Variants in AP3M2 observed in about 807,000 individuals in gnomAD.
The protein encoded by AP3M2 is AP-3 complex subunit mu-2.
Under a neutral mutation model 41.6 loss-of-function variants are expected in AP3M2, and 28 were observed. The ratio of observed to expected loss-of-function variants is 0.67; its 90% CI spans 0.50 to 0.92. The LOEUF is 0.92. Among genes scored for constraint, AP3M2 ranks in the 40% least tolerant of loss-of-function variants. The pLI is 0.00. For missense variants in AP3M2, 427 were observed against 521.4 expected (o/e 0.82, Z 1.76); for synonymous variants, 193 against 186.4 (o/e 1.04, Z -0.29).
At position 42,154,598 on chromosome 8, in the gene AP3M2, C is replaced by G. The variant is rs1178368265; in HGVS notation, c.-72-18C>G. ...CTTTTGGTTGAATGGAACTGAATAT[C>G]GCTGCTTTTGTTTTTAGAGTTGAAA... On this transcript the variant is annotated intron_variant, in intron 1 of 8. Coordinates refer to ENST00000396926, the MANE Select transcript of AP3M2 (RefSeq NM_006803.4). The G allele has an allele frequency of 6.5e-7, 1 of 1,530,596 alleles. No individual in the cohort carries two copies. Among genetic ancestry groups the G allele is most frequent in the African/African-American group, 1.4e-5 (1 of 72,440 alleles). 94.8% of individuals were successfully genotyped at this position (1,530,596 alleles called of 1,614,324 possible). A position where few individuals can be genotyped will look rare whatever the true frequency, so the allele number is the denominator to read the frequency against.
At chr8:42,165,270 G>T in intron 5 of AP3M2, 114 bp downstream of exon 5, 1 of 1,435,154 alleles carries the variant, frequency 7.0e-7, no homozygotes, top group East Asian at 2.3e-5. Flanking sequence ...CAGCCACGAA[G>T]CTTGTCTCAG....
chr8:42,156,398 G>A (rs980002499), intron 2 of AP3M2, among the ~76,000 whole-genome samples: 2 of 152,086 alleles, frequency 1.3e-5, no homozygotes, highest in African/African-American at 2.4e-5. Context: ...CATCCTCTCC[G>A]GCAGCATGAT....
chr8:42,156,077 AC>A, intron 2 of AP3M2: 2 of 452,088 alleles, frequency 4.4e-6, no homozygotes, highest in Non-Finnish European at 8.9e-6. Flanking sequence ...AACTAGAAGA[AC>A]CCAGGAGTTG....
rs1804402707 is a variant in AP3M2, at chr8:42,157,991, G to A, written c.324G>A (p.Val108=). ...SEPVIKDNVV[V]VYEVLEEMLD... is the part of the protein sequence containing the mutation. ...CAGTGATCAAAGACAATGTAGTTGT[G>A]GTTTATGAGGTATTGGAAGAGATGC... The change falls in exon 3 of 9, where the codon GTG becomes GTA. Residue 108 remains valine (V), a synonymous_variant. Transcript: ENST00000396926. 6.2e-7 allele frequency: 1 copy of A among 1,614,064 alleles called. No homozygotes were observed.
chr8:42,155,807 CTGGAATTG>C, intron 2 of AP3M2: 1 of 328,318 alleles, frequency 3.0e-6, no homozygotes, highest in Non-Finnish European at 6.0e-6. Flanking sequence ...CATATGAACA[CTGGAATTG>C]TGGAATTGGA....
At position 42,167,103 on chromosome 8, in the gene AP3M2, A is replaced by C. The variant is rs959279480; in HGVS notation, c.804-61A>C. 28 of 1,474,212 alleles carry C rather than the reference A, an allele frequency of 1.9e-5. No homozygotes were observed. In the Admixed American group the frequency reaches 4.7e-4, roughly 25 times the overall value. The allele number at this position is 1,474,212 out of a possible 1,614,324, so 91.3% of individuals were successfully genotyped here. A position where few individuals can be genotyped will look rare whatever the true frequency, so the allele number is the denominator to read the frequency against. On this transcript the variant is annotated intron_variant, in intron 6 of 8. Transcript: ENST00000396926. ...ACAGGGCAGAAAAAGCATCATGTGAAAGGAAGAACTACCATTTTCCCAGTG... is the reference window on the plus strand; with the variant it reads ...ACAGGGCAGAAAAAGCATCATGTGACAGGAAGAACTACCATTTTCCCAGTG...
intron 5 of AP3M2, 69 bp from the exon 6 acceptor site, chr8:42,165,358 A>G: frequency 6.4e-7 from 1 of 1,569,248 alleles, no homozygotes; most frequent in South Asian, 1.2e-5. Flanking sequence ...CAGCATTTAA[A>G]TTGCTTTCCT....
At chr8:42,156,542 C>G (rs956756704) in intron 2 of AP3M2, among the ~76,000 whole-genome samples, 7 of 152,140 alleles carry the variant, frequency 4.6e-5, no homozygotes, top group African/African-American at 1.4e-4. Context: ...TTTATAAAAC[C>G]TAGTGAAGTG....
At chr8:42,165,397 T>C in intron 5 of AP3M2, 30 bp from the exon 6 acceptor site, 1 of 1,610,240 alleles carries the variant, frequency 6.2e-7, no homozygotes, top group Non-Finnish European at 8.5e-7. Flanking sequence ...TAATGCCCAC[T>C]TCTTGCTTCT....
Position 42,169,168 on chromosome 8 carries a change from C to G in AP3M2, c.*107C>G. 2.5e-6 allele frequency: 2 copies of G among 799,950 alleles called. No individual in the cohort carries two copies. Among genetic ancestry groups the G allele is most frequent in the Non-Finnish European group, 3.8e-6 (2 of 527,104 alleles). 49.6% of individuals were successfully genotyped at this position (799,950 alleles called of 1,614,324 possible). On this transcript the variant is annotated 3_prime_UTR_variant, in exon 9 of 9. Transcript: ENST00000396926. The stretch of plus-strand genomic sequence containing the variant: ...CTCCTAGGTCAGTCCCCTCCTGGAC[C>G]CACCCGCTCCCTTTTTTCCTTAGCC...
chr8:42,161,262 C>T (rs374541573), intron 3 of AP3M2, among the ~76,000 whole-genome samples: 11 of 152,074 alleles, frequency 7.2e-5, no homozygotes, highest in African/African-American at 2.7e-4. Flanking sequence ...ATGATTGTGC[C>T]TGTGAATAGC....
At chr8:42,158,557 A>G (rs939950845) in intron 3 of AP3M2, among the ~76,000 whole-genome samples, 1 of 151,674 alleles carries the variant, frequency 6.6e-6, no homozygotes, top group African/African-American at 2.4e-5. Context: ...CCCCTCTTGT[A>G]GACTGAGTAC....
At chr8:42,162,971 A>AAAAAG (rs1804548093) in intron 4 of AP3M2, among the ~76,000 whole-genome samples, 1 of 146,938 alleles carries the variant, frequency 6.8e-6, no homozygotes. Flanking sequence ...AAAAAAAAAA[A>AAAAAG]GTAACAAATT....
In AP3M2 at chr8:42,169,281, A is replaced by G. The variant is rs1444351368; in HGVS notation, c.*220A>G. 2.4e-6 allele frequency: 1 copy of G among 417,252 alleles called. No homozygotes were observed. Among genetic ancestry groups the G allele is most frequent in the Non-Finnish European group, 4.2e-6 (1 of 236,946 alleles). The allele number at this position is 417,252 out of a possible 1,614,324, so 25.8% of individuals were successfully genotyped here. ...AACACAGCAACACCAGTTCTCAAGGACAAGGTGTGTGATGGGGGTAGGAAG... is the reference window on the plus strand; with the variant it reads ...AACACAGCAACACCAGTTCTCAAGGGCAAGGTGTGTGATGGGGGTAGGAAG... On this transcript the variant is annotated 3_prime_UTR_variant, in exon 9 of 9. Transcript: ENST00000396926.
In AP3M2 at chr8:42,169,075, T is replaced by C; in HGVS notation, c.*14T>C. On this transcript the variant is annotated 3_prime_UTR_variant, in exon 9 of 9. Coordinates refer to ENST00000396926, the MANE Select transcript of AP3M2 (RefSeq NM_006803.4). ...GTTCGAACCTGAAGGGAGCATTTGC[T>C]GAGGGAATAGTCTTGCACATTTTTT... 1.3e-6 allele frequency: 2 copies of C among 1,581,418 alleles called. No individual in the cohort carries two copies. The highest frequency in any genetic ancestry group is 1.7e-6 in the Non-Finnish European group (2 of 1,156,622).
chr8:42,161,289 G>T (rs1308988211), intron 3 of AP3M2, among the ~76,000 whole-genome samples: 3 of 152,094 alleles, frequency 2.0e-5, no homozygotes, highest in Non-Finnish European at 4.4e-5. Context: ...ACTCCAGCAT[G>T]GGCAACATAG....
chr8:42,171,099 A>G lies in AP3M2; in HGVS notation c.*2038A>G, dbSNP rs762910190. 2.6e-5 allele frequency: 4 copies of G among 152,260 alleles called. No individual in the cohort carries two copies. Among genetic ancestry groups the G allele is most frequent in the Non-Finnish European group, 5.9e-5 (4 of 68,062 alleles). 9.4% of individuals were successfully genotyped at this position (152,260 alleles called of 1,614,324 possible). A position where few individuals can be genotyped will look rare whatever the true frequency, so the allele number is the denominator to read the frequency against. ...ACCATAAGCAGTGCAGGGTGTCTCC[A>G]TCGAGCTGTTTGGTTCCATGTGTGT... On this transcript the variant is annotated 3_prime_UTR_variant, in exon 9 of 9. Transcript: ENST00000396926.
chr8:42,167,892 C>T, intron 8 of AP3M2, 82 bp downstream of exon 8: 3 of 1,475,680 alleles, frequency 2.0e-6, no homozygotes, highest in Non-Finnish European at 2.7e-6. Context: ...GGAAGCCTTT[C>T]TGGGCTTCCT....
intron 3 of AP3M2, among the ~76,000 whole-genome samples, chr8:42,161,891 A>G (rs576254705): frequency 6.6e-6 from 1 of 152,178 alleles, no homozygotes; most frequent in African/African-American, 2.4e-5. Context: ...TGTACCTAAG[A>G]ACCTATCTCA....
Sources: gnomAD v4.1 joint callset for allele counts (sites outside exome capture counted in the v4.1 genomes callset) on GRCh38, gnomAD v4.1.1 for gene constraint, MANE v1.5 for transcripts, NCBI Gene and HGNC (gene_info 2026-07-23, HGNC 2026-07-21) for gene names.